BCAS3: variants seen among roughly 807,000 people sequenced by gnomAD.
BCAS3 encodes BCAS3 microtubule associated cell migration factor.
BCAS3 carries 53 observed loss-of-function variants against 116.1 expected under a neutral mutation model. The ratio of observed to expected loss-of-function variants is 0.46; its 90% CI spans 0.37 to 0.57. The LOEUF is 0.57. Ranked by LOEUF, BCAS3 falls within the 20% of genes least tolerant of loss-of-function variation. The pLI is 0.00. For missense variants in BCAS3, 917 were observed against 1,165.4 expected (o/e 0.79, Z 3.10); for synonymous variants, 391 against 408.2 (o/e 0.96, Z 0.51).
intron 22 of BCAS3, among the ~76,000 whole-genome samples, chr17:61,177,335 G>T (rs1351496375): frequency 2.0e-5 from 3 of 152,122 alleles, no homozygotes; most frequent in African/African-American, 7.2e-5. Flanking sequence ...ATGGAGAAAC[G>T]AATTGGTATT....
rs981461552 is a variant in BCAS3 at position 60,962,242 on chromosome 17, T to C, written c.1221+14890T>C. On this transcript the variant is annotated intron_variant, in intron 14 of 23. Coordinates refer to ENST00000407086, the MANE Select transcript of BCAS3 (RefSeq NM_017679.5). The surrounding 1 kb of genome is among the most constrained non-coding windows in gnomAD (Gnocchi z 4.4). Reference sequence around the variant, plus strand: ...GATCATATGGTAATTCTGTTTTTAGTTTTCTGAGGAACCTCCATACTGTGC... The same window carrying C: ...GATCATATGGTAATTCTGTTTTTAGCTTTCTGAGGAACCTCCATACTGTGC... Among the ~76,000 whole-genome samples the C allele has an allele frequency of 6.6e-6, 1 of 152,198 alleles. No individual in the cohort carries two copies. Among genetic ancestry groups the C allele is most frequent in the Non-Finnish European group, 1.5e-5 (1 of 68,038 alleles).
intron 6 of BCAS3, among the ~76,000 whole-genome samples, chr17:60,798,682 G>A (rs556443937): frequency 9.8e-5 from 15 of 152,318 alleles, no homozygotes; most frequent in African/African-American, 3.6e-4. Flanking sequence ...AACGTCTTCA[G>A]TTCATTTTCG....
chr17:61,074,846 A>G (rs1055246798), intron 19 of BCAS3, 74 bp from the exon 20 acceptor site: 2 of 963,042 alleles, frequency 2.1e-6, no homozygotes, highest in East Asian at 2.5e-5. Context: ...ATAGTATCCA[A>G]AATGGTTGTG....
At chr17:61,176,138 C>CAAAAAA (rs534042215) in intron 22 of BCAS3, among the ~76,000 whole-genome samples, 588 of 45,666 alleles carry the variant, frequency 0.013, no homozygotes, top group East Asian at 0.02. Flanking sequence ...GACCCTATCT[C>CAAAAAA]AAAAAAAAAA....
chr17:61,241,731 T>G lies in BCAS3; in HGVS notation c.2426-126596T>G, dbSNP rs6504028. On this transcript the variant is annotated intron_variant, in intron 22 of 23. Coordinates refer to ENST00000407086, the MANE Select transcript of BCAS3 (RefSeq NM_017679.5). This position sits in a 1 kb window ranked among gnomAD's most constrained non-coding sequence, Gnocchi z 4.6. ...GAGACTCCATCTCAAAAAATAATAA[T>G]AAGAATAATAGTTTGGAGGTAAAAT... 0.79 allele frequency among the ~76,000 whole-genome samples: 120,408 copies of G among 151,640 alleles called. 48,069 individuals carry two copies. Among genetic ancestry groups the G allele is most frequent in the East Asian group, 0.95 (4,843 of 5,096 alleles).
intron 5 of BCAS3, chr17:60,727,048 T>A (rs1568113208): frequency 2.8e-5 from 7 of 250,258 alleles, no homozygotes; most frequent in African/African-American, 4.5e-5. Flanking sequence ...AAACAGACTT[T>A]AAAAAAAAAT....
At chr17:61,148,187 G>C (rs749473615) in intron 22 of BCAS3, among the ~76,000 whole-genome samples, 4 of 152,142 alleles carry the variant, frequency 2.6e-5, no homozygotes, top group Admixed American at 6.5e-5. Flanking sequence ...CACACACACA[G>C]AAGTTTTTGT....
At chr17:60,740,000 T>C (rs866962951) in intron 5 of BCAS3, among the ~76,000 whole-genome samples, 52 of 152,290 alleles carry the variant, frequency 3.4e-4, no homozygotes, top group Middle Eastern at 6.8e-3. Flanking sequence ...TAATTTTTCC[T>C]TTGGCTTCTT....
At position 61,249,512 on chromosome 17, in the gene BCAS3, G is replaced by A. The variant is rs1212570893; in HGVS notation, c.2426-118815G>A. On this transcript the variant is annotated intron_variant, in intron 22 of 23. Transcript: ENST00000407086. The surrounding 1 kb of genome is among the most constrained non-coding windows in gnomAD (Gnocchi z 6.2). Reference sequence around the variant, plus strand: ...CTATATTGCTAAAATCTGAAGGAGAGAGATCTCAACAGCAGAGATGGACTC... The same window carrying A: ...CTATATTGCTAAAATCTGAAGGAGAAAGATCTCAACAGCAGAGATGGACTC... 6.6e-6 allele frequency among the ~76,000 whole-genome samples: 1 copy of A among 152,162 alleles called. No individual in the cohort carries two copies. Among genetic ancestry groups the A allele is most frequent in the Non-Finnish European group, 1.5e-5 (1 of 68,046 alleles).
At position 61,229,962 on chromosome 17, in the gene BCAS3, C is replaced by A. The variant is rs903139582; in HGVS notation, c.2426-138365C>A. Among the ~76,000 whole-genome samples, 1 of 152,100 alleles carries A rather than the reference C, an allele frequency of 6.6e-6. No homozygotes were observed. Among genetic ancestry groups the A allele is most frequent in the Non-Finnish European group, 1.5e-5 (1 of 68,018 alleles). On this transcript the variant is annotated intron_variant, in intron 22 of 23. Transcript: ENST00000407086. This position sits in a 1 kb window ranked among gnomAD's most constrained non-coding sequence, Gnocchi z 4.4. Reference sequence around the variant, plus strand: ...CAATATAGCAAAATCTGGTCTCTACCGAAAATACAAAAATTAGCCGGGCGT... The same window carrying A: ...CAATATAGCAAAATCTGGTCTCTACAGAAAATACAAAAATTAGCCGGGCGT...
At chr17:61,001,787 T>G (rs2064257891) in intron 15 of BCAS3, among the ~76,000 whole-genome samples, 1 of 152,200 alleles carries the variant, frequency 6.6e-6, no homozygotes. Flanking sequence ...CCTGGTGAAT[T>G]TGTTTTCTCA....
In BCAS3 at chr17:60,924,520, T is replaced by A; in HGVS notation, c.1087+20T>A. On this transcript the variant is annotated intron_variant, in intron 13 of 23. Coordinates refer to ENST00000407086, the MANE Select transcript of BCAS3 (RefSeq NM_017679.5). ...CAAGTGGTAAGTTCGCTCTCTGTCT[T>A]TTTTTTTTTTTTTTTTGTAGACCAT... is the stretch of plus-strand genomic sequence containing the variant. 19 of 891,496 alleles carry A rather than the reference T, an allele frequency of 2.1e-5. No individual in the cohort carries two copies. Among genetic ancestry groups the A allele is most frequent in the Non-Finnish European group, 2.7e-5 (18 of 663,986 alleles). 55.2% of individuals were successfully genotyped at this position (891,496 alleles called of 1,614,324 possible).
intron 5 of BCAS3, among the ~76,000 whole-genome samples, chr17:60,713,051 G>A (rs1004742802): frequency 6.6e-6 from 1 of 152,168 alleles, no homozygotes; most frequent in African/African-American, 2.4e-5. Context: ...ATTTCAGAAA[G>A]GGGAGAGGGA....
At chr17:60,776,788 G>A (rs2045337296) in intron 6 of BCAS3, among the ~76,000 whole-genome samples, 1 of 151,698 alleles carries the variant, frequency 6.6e-6, no homozygotes, top group Non-Finnish European at 1.5e-5. Context: ...GGCTGAGGTG[G>A]GTGGATCACT....
At chr17:61,242,083 C>T (rs558908041) in intron 22 of BCAS3, among the ~76,000 whole-genome samples, 1 of 152,144 alleles carries the variant, frequency 6.6e-6, no homozygotes, top group African/African-American at 2.4e-5. Context: ...TCGAAACCAG[C>T]CTGACCAACA....
At chr17:60,859,498 A>G (rs1017098461) in intron 7 of BCAS3, among the ~76,000 whole-genome samples, 2 of 151,738 alleles carry the variant, frequency 1.3e-5, no homozygotes, top group African/African-American at 4.8e-5. Flanking sequence ...CTCCAGCTGC[A>G]TTTATGTTGC....
rs1280382459 is a variant in BCAS3 at position 61,084,212 on chromosome 17, T to C, written c.2328-255T>C. Among the ~76,000 whole-genome samples the C allele has an allele frequency of 3.3e-5, 5 of 152,140 alleles. No individual in the cohort carries two copies. Among genetic ancestry groups the C allele is most frequent in the Non-Finnish European group, 2.9e-5 (2 of 68,044 alleles). On this transcript the variant is annotated intron_variant, in intron 21 of 23. Coordinates refer to ENST00000407086, the MANE Select transcript of BCAS3 (RefSeq NM_017679.5). The surrounding 1 kb of genome is among the most constrained non-coding windows in gnomAD (Gnocchi z 5.5). ...TATCCCTTTAAATTAATGTCAGCTT[T>C]TCAGTCCCTTCCTTAAAAATCTATG...
chr17:60,909,049 C>G (rs1385492097), intron 11 of BCAS3, among the ~76,000 whole-genome samples: 1 of 152,126 alleles, frequency 6.6e-6, no homozygotes, highest in Non-Finnish European at 1.5e-5. Context: ...TTTTACTTAA[C>G]TTCCCTAGCC....
rs1362945810 is a variant in BCAS3 at position 61,132,675 on chromosome 17, T to TG, written c.2425+48112dup. ...ATTCTAGGGAGCAAGAGCACACCAC[T>TG]GTACATGCTCCTGGTTTGTGTGCTG... is the stretch of plus-strand genomic sequence containing the variant. On this transcript the variant is annotated intron_variant, in intron 22 of 23. Transcript: ENST00000407086. The surrounding 1 kb of genome is among the most constrained non-coding windows in gnomAD (Gnocchi z 5.1). 4.6e-5 allele frequency among the ~76,000 whole-genome samples: 7 copies of TG among 152,172 alleles called. No individual in the cohort carries two copies. The highest frequency in any genetic ancestry group is 8.8e-5 in the Non-Finnish European group (6 of 68,028).
Sources: gnomAD v4.1 joint callset for allele counts (sites outside exome capture counted in the v4.1 genomes callset) on GRCh38, gnomAD v4.1.1 for gene constraint, Gnocchi (gnomAD v3.1) non-coding constraint, MANE v1.5 for transcripts, NCBI Gene and HGNC (gene_info 2026-07-23, HGNC 2026-07-21) for gene names.